CDH12: variants seen among roughly 807,000 people sequenced by gnomAD.
CDH12 encodes cadherin-12.
CDH12 carries 41 observed loss-of-function variants against 74.1 expected under a neutral mutation model. That is an observed-to-expected ratio of 0.55 (90% CI 0.43 to 0.72). CDH12 has a LOEUF of 0.72. CDH12 is among the 30% of genes least tolerant of loss of function. CDH12 has a pLI of 0.00. For synonymous variants in CDH12, 399 were observed against 355.0 expected (o/e 1.12, Z -1.39); for missense variants, 945 against 977.2 (o/e 0.97, Z 0.44).
intron 3 of CDH12, among the ~76,000 whole-genome samples, chr5:22,274,520 T>A (rs141470676): frequency 5.0e-4 from 76 of 152,186 alleles, no homozygotes; most frequent in African/African-American, 1.7e-3. Flanking sequence ...GGATATAATT[T>A]TATCAAATAT....
intron 1 of CDH12, among the ~76,000 whole-genome samples, chr5:22,702,585 G>A (rs1205854117): frequency 6.6e-6 from 1 of 151,914 alleles, no homozygotes; most frequent in Non-Finnish European, 1.5e-5. Flanking sequence ...TGGTAAGGAT[G>A]TGATACCTTC....
chr5:21,877,598 G>C (rs1752007395), intron 6 of CDH12, among the ~76,000 whole-genome samples: 2 of 152,152 alleles, frequency 1.3e-5, no homozygotes, highest in African/African-American at 4.8e-5. Context: ...CAGCCACAAG[G>C]CTCAATGTCA....
rs572577634 is a variant in CDH12, at chr5:22,301,831, T to A, written c.-332-89188A>T. On this transcript the variant is annotated intron_variant, in intron 3 of 14. Coordinates refer to ENST00000382254, the MANE Select transcript of CDH12 (RefSeq NM_004061.5). The stretch of plus-strand genomic sequence containing the variant: ...ATTTATTTATTCATTCATTCATTTA[T>A]TTATTTATTGTATTTTTGGTAGAGA... Among the ~76,000 whole-genome samples the A allele has an allele frequency of 5.5e-4, 84 of 151,912 alleles. 2 individuals are homozygous for A. Among genetic ancestry groups the A allele is most frequent in the African/African-American group, 1.9e-3 (78 of 41,432 alleles).
intron 1 of CDH12, among the ~76,000 whole-genome samples, chr5:22,828,081 G>A (rs563023749): frequency 9.6e-4 from 146 of 152,226 alleles, no homozygotes; most frequent in African/African-American, 3.4e-3. Flanking sequence ...CGGTTTCATT[G>A]TGGGATCCAG....
At chr5:22,744,307 T>C (rs1252340965) in intron 1 of CDH12, among the ~76,000 whole-genome samples, 2 of 152,120 alleles carry the variant, frequency 1.3e-5, no homozygotes, top group East Asian at 3.9e-4. Context: ...CGGGAACCTG[T>C]AGTCCCAGCT....
chr5:22,507,562 T>C (rs559297630), intron 1 of CDH12, among the ~76,000 whole-genome samples: 2 of 152,168 alleles, frequency 1.3e-5, no homozygotes, highest in African/African-American at 2.4e-5. Flanking sequence ...GTTATTCTGA[T>C]AACTAATAAA....
At chr5:21,769,760 C>T (rs903326457) in intron 11 of CDH12, among the ~76,000 whole-genome samples, 13 of 152,092 alleles carry the variant, frequency 8.5e-5, no homozygotes, top group South Asian at 2.1e-4. Context: ...CGTAGTGCTA[C>T]GTGGTTTCGT....
chr5:22,271,747 G>A (rs1302304588), intron 3 of CDH12, among the ~76,000 whole-genome samples: 1 of 152,076 alleles, frequency 6.6e-6, no homozygotes. Context: ...GAGTTCTTGA[G>A]TGACCAGGTA....
chr5:21,865,009 A>C (rs2150011943), intron 6 of CDH12, among the ~76,000 whole-genome samples: 1 of 152,332 alleles, frequency 6.6e-6, no homozygotes, highest in Non-Finnish European at 1.5e-5. Flanking sequence ...ATTTCTTTGA[A>C]GAATGACATG....
intron 4 of CDH12, among the ~76,000 whole-genome samples, chr5:22,108,325 G>C (rs901246353): frequency 1.3e-5 from 2 of 152,192 alleles, no homozygotes; most frequent in African/African-American, 4.8e-5. Context: ...GTGGAACTGT[G>C]AGTCCATTAA....
At chr5:21,916,030 A>G (rs1754078565) in intron 6 of CDH12, among the ~76,000 whole-genome samples, 2 of 152,066 alleles carry the variant, frequency 1.3e-5, no homozygotes, top group South Asian at 4.1e-4. Flanking sequence ...GTGCCAATGG[A>G]TCTGATTCAT....
intron 1 of CDH12, among the ~76,000 whole-genome samples, chr5:22,701,653 A>G (rs140262221): frequency 1.9e-4 from 29 of 152,164 alleles, no homozygotes; most frequent in African/African-American, 5.5e-4. Flanking sequence ...CTGGTTTTAG[A>G]TCAATTTGGG....
At chr5:22,143,178 A>G in intron 4 of CDH12, 1 of 152,290 alleles carries the variant, frequency 6.6e-6, no homozygotes. Context: ...AGACCAAAAT[A>G]AGGCATCATA....
chr5:21,880,914 A>T (rs992862602), intron 6 of CDH12, among the ~76,000 whole-genome samples: 41 of 151,832 alleles, frequency 2.7e-4, no homozygotes, highest in African/African-American at 9.0e-4. Context: ...ATCGTCCATC[A>T]TTTCCAGAGT....
intron 1 of CDH12, among the ~76,000 whole-genome samples, chr5:22,790,216 G>T (rs1747837562): frequency 6.6e-6 from 1 of 152,024 alleles, no homozygotes; most frequent in Non-Finnish European, 1.5e-5. Context: ...ATCTAGAAGA[G>T]AATAGATTTT....
rs76740184 is a variant in CDH12, at chr5:22,399,989, A to G, written c.-333+5268T>C. 8.4e-3 allele frequency among the ~76,000 whole-genome samples: 1,272 copies of G among 152,252 alleles called. 14 individuals are homozygous for G. The highest frequency in any genetic ancestry group is 0.029 in the African/African-American group (1,215 of 41,554). Reference sequence around the variant, plus strand: ...TCACTGGCCTGACCAGAGAACAATGATTCCTGTTTTATTAAATAATTATTT... The same window carrying G: ...TCACTGGCCTGACCAGAGAACAATGGTTCCTGTTTTATTAAATAATTATTT... On this transcript the variant is annotated intron_variant, in intron 3 of 14. Transcript: ENST00000382254.
intron 5 of CDH12, among the ~76,000 whole-genome samples, chr5:22,047,760 C>T (rs989672312): frequency 6.6e-6 from 1 of 152,148 alleles, no homozygotes; most frequent in Non-Finnish European, 1.5e-5. Flanking sequence ...TACTGGTTTC[C>T]ATTTCAAACC....
At chr5:22,342,590 CCTTT>C (rs1208899364) in intron 3 of CDH12, among the ~76,000 whole-genome samples, 2 of 99,106 alleles carry the variant, frequency 2.0e-5, no homozygotes, top group South Asian at 5.1e-4. Flanking sequence ...ATCCTTCCTT[CCTTT>C]CTCTCTTTCT....
At chr5:22,397,456 GTTTT>G (rs55937701) in intron 3 of CDH12, among the ~76,000 whole-genome samples, 6 of 140,386 alleles carry the variant, frequency 4.3e-5, no homozygotes, top group Admixed American at 7.2e-5. Flanking sequence ...TTGATTCCAG[GTTTT>G]TTTTTTTTTT....
Sources: gnomAD v4.1 joint callset for allele counts (sites outside exome capture counted in the v4.1 genomes callset) on GRCh38, gnomAD v4.1.1 for gene constraint, MANE v1.5 for transcripts, NCBI Gene and HGNC (gene_info 2026-07-23, HGNC 2026-07-21) for gene names.